NTRK3: variants seen among roughly 807,000 people sequenced by gnomAD.
The protein encoded by NTRK3 is neurotrophic receptor tyrosine kinase 3.
In NTRK3, 24 loss-of-function variants were observed where a neutral mutation model predicts 91.7. That is an observed-to-expected ratio of 0.26 (90% CI 0.19 to 0.37). The LOEUF (loss-of-function observed/expected upper bound fraction) is 0.37. NTRK3 is among the 10% of genes least tolerant of loss of function. The probability of loss-of-function intolerance (pLI) is 1.00; values close to 1 mark genes in which losing one functional copy is unlikely to be tolerated. For missense variants in NTRK3, 880 were observed against 1,068.9 expected, an observed-to-expected ratio of 0.82 and a Z score of 2.46; for synonymous variants, 483 against 404.0, an observed-to-expected ratio of 1.20 and a Z score of -2.34.
chr15:87,883,064 A>G lies in NTRK3; in HGVS notation c.2134-2636T>C, dbSNP rs536935651. 4.6e-5 allele frequency among the ~76,000 whole-genome samples: 7 copies of G among 151,822 alleles called. No homozygotes were observed. The South Asian group carries it at 1.5e-3, about 31-fold the overall frequency. ...AAGAGTGCTAAAAATACAACTATAC[A>G]TAAAAGAAAAATATAATTGGCTACA... On this transcript the variant is annotated intron_variant, in intron 17 of 18. Transcript: ENST00000394480.
intron 13 of NTRK3, among the ~76,000 whole-genome samples, chr15:88,052,170 T>C (rs564791061): frequency 3.3e-5 from 5 of 152,342 alleles, no homozygotes; most frequent in African/African-American, 1.2e-4. Flanking sequence ...AGTGATGTCA[T>C]AAATATTTCC....
chr15:88,182,626 G>A (rs1025626565), intron 5 of NTRK3, among the ~76,000 whole-genome samples: 1 of 152,156 alleles, frequency 6.6e-6, no homozygotes. Context: ...CACTATCCTT[G>A]GAGTTGACCC....
chr15:88,167,713 G>A (rs541681782), intron 5 of NTRK3, among the ~76,000 whole-genome samples: 42 of 152,036 alleles, frequency 2.8e-4, no homozygotes, highest in Non-Finnish European at 5.1e-4. Flanking sequence ...TGACCACCCC[G>A]ACTCCATGTC....
intron 5 of NTRK3, among the ~76,000 whole-genome samples, chr15:88,168,094 T>C (rs1276785186): frequency 6.6e-6 from 1 of 152,206 alleles, no homozygotes; most frequent in Non-Finnish European, 1.5e-5. Context: ...TTCTGACTGA[T>C]ACAAAACTTG....
chr15:87,859,983 C>A (rs1031159337), exon 19 of NTRK3: 2 of 194,794 alleles, frequency 1.0e-5, no homozygotes, highest in African/African-American at 4.6e-5. Flanking sequence ...CATATACATA[C>A]CTATGTCCAT....
rs79210767 is a variant in NTRK3, at chr15:87,955,138, T to C, written c.1586-14385A>G. Among the ~76,000 whole-genome samples, 764 of 152,156 alleles carry C rather than the reference T, an allele frequency of 5.0e-3. 8 individuals are homozygous for C. Among genetic ancestry groups the C allele is most frequent in the African/African-American group, 0.018 (731 of 41,512 alleles). ...CCTTAGCATAGTATCAGGCATGGAGTGCATGCTAAAAATAAGATTCATTTC... is the reference window on the plus strand; with the variant it reads ...CCTTAGCATAGTATCAGGCATGGAGCGCATGCTAAAAATAAGATTCATTTC... On this transcript the variant is annotated intron_variant, in intron 14 of 18. Transcript: ENST00000394480.
At position 88,049,549 on chromosome 15, in the gene NTRK3, A is replaced by C. The variant is rs117716101; in HGVS notation, c.1397-16504T>G. On this transcript the variant is annotated intron_variant, in intron 13 of 18. Coordinates refer to ENST00000394480, the Ensembl canonical transcript of NTRK3. Reference sequence around the variant, plus strand: ...CTGACCTAAGCATTTAAGCTAAGCAAAATGATATATGTAAAAGGTCAGTAT... The same window carrying C: ...CTGACCTAAGCATTTAAGCTAAGCACAATGATATATGTAAAAGGTCAGTAT... 3.2e-3 allele frequency among the ~76,000 whole-genome samples: 480 copies of C among 152,350 alleles called. 3 individuals carry two copies. Among genetic ancestry groups the C allele is most frequent in the Non-Finnish European group, 5.0e-3 (337 of 68,040 alleles).
intron 13 of NTRK3, among the ~76,000 whole-genome samples, chr15:88,066,859 A>G (rs967531240): frequency 2.6e-5 from 4 of 152,286 alleles, no homozygotes; most frequent in Middle Eastern, 3.4e-3. Flanking sequence ...TGCCAAAATA[A>G]TGATTCACCT....
chr15:88,192,172 A>G (rs1019176228), intron 3 of NTRK3, among the ~76,000 whole-genome samples: 6 of 152,188 alleles, frequency 3.9e-5, no homozygotes, highest in African/African-American at 1.4e-4. Context: ...TTGTGCACAC[A>G]CCTGTGTTCT....
intron 3 of NTRK3, among the ~76,000 whole-genome samples, chr15:88,217,589 G>C (rs908133237): frequency 1.3e-5 from 2 of 152,128 alleles, no homozygotes; most frequent in Admixed American, 6.5e-5. Flanking sequence ...GCCAGGGGAG[G>C]GGGGAATGGG....
chr15:87,901,094 TACCTCCATGCAGC>T (rs929803389), intron 17 of NTRK3, among the ~76,000 whole-genome samples: 3 of 152,138 alleles, frequency 2.0e-5, no homozygotes, highest in African/African-American at 7.2e-5. Flanking sequence ...GGAGGAGCTG[TACCTCCATGCAGC>T]ATCTGGGATT....
At chr15:88,028,859 G>A (rs1241903387) in intron 14 of NTRK3, among the ~76,000 whole-genome samples, 1 of 152,250 alleles carries the variant, frequency 6.6e-6, no homozygotes, top group South Asian at 2.1e-4. Flanking sequence ...CTTTCAACTG[G>A]CTTATGGGAA....
exon 19 of NTRK3, chr15:87,864,950 C>T (rs1018036439): frequency 2.8e-5 from 6 of 215,958 alleles, no homozygotes; most frequent in Non-Finnish European, 4.7e-5. Flanking sequence ...ATTTCGAAAG[C>T]TGGGATGCTT....
intron 5 of NTRK3, among the ~76,000 whole-genome samples, chr15:88,158,429 C>T (rs954902810): frequency 5.9e-5 from 9 of 152,200 alleles, no homozygotes; most frequent in Middle Eastern, 3.2e-3. Flanking sequence ...TGCTGGTGTG[C>T]TGCCTCCTGC....
chr15:88,115,087 T>G (rs892433299), intron 13 of NTRK3, among the ~76,000 whole-genome samples: 3 of 152,172 alleles, frequency 2.0e-5, no homozygotes, highest in African/African-American at 7.2e-5. Context: ...CATGGGCTTT[T>G]GTGATTTTAG....
chr15:88,089,535 T>C (rs897326265), intron 13 of NTRK3, among the ~76,000 whole-genome samples: 3 of 152,264 alleles, frequency 2.0e-5, no homozygotes, highest in African/African-American at 7.2e-5. Context: ...CAAAGACTAT[T>C]TGAAGACATG....
At chr15:88,230,437 G>A (rs2051082553) in intron 3 of NTRK3, among the ~76,000 whole-genome samples, 1 of 152,116 alleles carries the variant, frequency 6.6e-6, no homozygotes, top group Non-Finnish European at 1.5e-5. Flanking sequence ...TGCAAGAAGG[G>A]CCCTGTTTGC....
Position 88,019,587 on chromosome 15 carries a change from G to C in NTRK3, c.1585+13270C>G, listed in dbSNP as rs532630697. 5.9e-5 allele frequency among the ~76,000 whole-genome samples: 9 copies of C among 152,292 alleles called. No homozygotes were observed. In the South Asian group the frequency reaches 1.9e-3, roughly 32 times the overall value. ...AATGAAACAGGAAAGACTACTTAGG[G>C]GCTTTGGGAAAAGCTTTCTCAGTTT... is the stretch of plus-strand genomic sequence containing the variant. On this transcript the variant is annotated intron_variant, in intron 14 of 18. Coordinates refer to ENST00000394480, the Ensembl canonical transcript of NTRK3.
intron 13 of NTRK3, among the ~76,000 whole-genome samples, chr15:88,073,114 C>T (rs2047231122): frequency 6.6e-6 from 1 of 152,180 alleles, no homozygotes; most frequent in Admixed American, 6.5e-5. Flanking sequence ...TGTAAAGACA[C>T]CTGCGGTTCT....
Sources: gnomAD v4.1 joint callset for allele counts (sites outside exome capture counted in the v4.1 genomes callset) on GRCh38, gnomAD v4.1.1 for gene constraint, MANE v1.5 for transcripts, NCBI Gene and HGNC (gene_info 2026-07-23, HGNC 2026-07-21) for gene names.